Variants in CSF1R observed in about 807,000 individuals in gnomAD.
CSF1R encodes the protein colony stimulating factor 1 receptor, also known as macrophage colony-stimulating factor 1 receptor.
In CSF1R, 40 loss-of-function variants were observed where a neutral mutation model predicts 110.0. The observed-to-expected ratio is 0.36, with a 90% CI of 0.28 to 0.47. The LOEUF is 0.47. Among genes scored for constraint, CSF1R ranks in the 20% least tolerant of loss-of-function variants. The pLI is 0.99. For synonymous variants in CSF1R, 523 were observed against 503.4 expected, an observed-to-expected ratio of 1.04 and a Z score of -0.52; for missense variants, 1,052 against 1,253.0, an observed-to-expected ratio of 0.84 and a Z score of 2.42.
intron 9 of CSF1R, among the ~76,000 whole-genome samples, 167 bp downstream of exon 9, chr5:150,069,706 A>G (rs982369330): frequency 6.6e-6 from 1 of 151,738 alleles, no homozygotes; most frequent in African/African-American, 2.4e-5. Context: ...GCCAGGCAGG[A>G]GGGGCTTGGA....
intron 1 of CSF1R, among the ~76,000 whole-genome samples, chr5:150,095,763 G>GAAAAAAAAAAAAAAAAAAAAAAAAA: frequency 8.2e-6 from 1 of 121,842 alleles, no homozygotes; most frequent in Non-Finnish European, 1.8e-5. Flanking sequence ...CATTTACCGA[G>GAAAAAAAAAAAAAAAAAAAAAAAAA]AAAAAAAAAA....
chr5:150,058,825 G>T (rs1288885888), intron 14 of CSF1R, among the ~76,000 whole-genome samples: 2 of 151,998 alleles, frequency 1.3e-5, no homozygotes, highest in Admixed American at 1.3e-4. Flanking sequence ...GACCCCACAA[G>T]CCCCTGAGAC....
At chr5:150,061,676 A>G (rs767758593) in intron 11 of CSF1R, 47 bp downstream of exon 11, 6 of 1,613,980 alleles carry the variant, frequency 3.7e-6, no homozygotes, top group Non-Finnish European at 5.1e-6. Context: ...TGCAACCCCC[A>G]CAGGCCCTGT....
intron 1 of CSF1R, among the ~76,000 whole-genome samples, chr5:150,101,974 T>A (rs1379340881): frequency 1.3e-5 from 2 of 152,316 alleles, no homozygotes; most frequent in South Asian, 2.1e-4. Flanking sequence ...ACCATATTTT[T>A]AAAATTGCTT....
chr5:150,073,466 T>C lies in CSF1R; in HGVS notation c.917A>G (p.Glu306Gly), dbSNP rs2113815581. ...GGTCACCTCCTGGATGAGGTTCTGC[T>C]CAGAGCTCAAGTTCAAGTAGGCACT... is the stretch of plus-strand genomic sequence containing the variant. The part of the protein sequence containing the change: ...VESAYLNLSS[E>G]QNLIQEVTVG... Residue 306 changes from glutamate to glycine, a missense_variant, in exon 6 of 21, where the codon GAG (glutamate) becomes GGG (glycine). Physicochemically the swap from Glu to Gly is moderately conservative, Grantham distance 98 (BLOSUM62 -2). Around this residue, in one of 5 missense-constraint regions of CSF1R, gnomAD observed 693 missense variants for 735.4 expected, o/e 0.94. Transcript: ENST00000675795. 6.2e-7 allele frequency: 1 copy of C among 1,613,992 alleles called. No individual in the cohort carries two copies. The highest frequency in any genetic ancestry group is 8.5e-7 in the Non-Finnish European group (1 of 1,179,938).
chr5:150,105,873 G>T lies in CSF1R; in HGVS notation c.-181+7388C>A, dbSNP rs72832166. On this transcript the variant is annotated intron_variant, in intron 1 of 21. Coordinates refer to the CSF1R transcript ENST00000286301. ...GTTTATGTGCCAGGCACCACAGCAG[G>T]CTCTTTCCATATTTATCTAATTTAG... is the stretch of plus-strand genomic sequence containing the variant. 9.7e-3 allele frequency among the ~76,000 whole-genome samples: 1,477 copies of T among 152,284 alleles called. 5 individuals are homozygous for T. The highest frequency in any genetic ancestry group is 0.016 in the Non-Finnish European group (1,101 of 68,024).
chr5:150,055,902 C>G (rs1730070533), intron 18 of CSF1R, 124 bp downstream of exon 18: 1 of 831,698 alleles, frequency 1.2e-6, no homozygotes. Context: ...TTCGAGAGCC[C>G]TTGCCCATTC....
chr5:150,086,066 C>T (rs951058275), intron 1 of CSF1R, among the ~76,000 whole-genome samples: 2 of 152,210 alleles, frequency 1.3e-5, no homozygotes, highest in African/African-American at 4.8e-5. Context: ...CACTGTCCCC[C>T]TGCCCCCAAC....
intron 1 of CSF1R, among the ~76,000 whole-genome samples, chr5:150,109,069 A>ACCG (rs1168947790): frequency 3.0e-5 from 3 of 99,420 alleles, no homozygotes; most frequent in Non-Finnish European, 6.1e-5. Flanking sequence ...CCCCCCCCCC[A>ACCG]CCACCCAAGA....
At position 150,080,839 on chromosome 5, in the gene CSF1R, T is replaced by A. The variant is rs1014062385; in HGVS notation, c.235A>T (p.Thr79Ser). Reference protein sequence around the residue: ...LSTNNATFQNTGTYRCTEPGD... With the variant: ...LSTNNATFQNSGTYRCTEPGD... ...GGCTCAGTGCAGCGATAGGTCCCCG[T>A]GTTTTGGAAGGTAGCGTTGTTGGTG... Residue 79 changes from threonine (T) to serine (S), a missense_variant, in exon 2 of 21, where the codon ACG becomes TCG. Physicochemically the swap from Thr to Ser is moderately conservative, Grantham distance 58. Transcript: ENST00000675795. 1.9e-6 allele frequency: 3 copies of A among 1,614,006 alleles called. No individual in the cohort carries two copies. Among genetic ancestry groups the A allele is most frequent in the Non-Finnish European group, 2.5e-6 (3 of 1,179,972 alleles).
At chr5:150,081,568 A>G (rs1758545463) in intron 1 of CSF1R, among the ~76,000 whole-genome samples, 1 of 152,186 alleles carries the variant, frequency 6.6e-6, no homozygotes, top group Admixed American at 6.5e-5. Flanking sequence ...GGTCTGCAGC[A>G]CAGTGGGATG....
chr5:150,112,020 C>G (rs1006086571), intron 1 of CSF1R, among the ~76,000 whole-genome samples: 5 of 152,188 alleles, frequency 3.3e-5, no homozygotes, highest in Non-Finnish European at 7.4e-5. Flanking sequence ...AAGCAGCCCC[C>G]TTAAAGTGTA....
rs1247011387 is a variant in CSF1R at position 150,053,555 on chromosome 5, C to CT, written c.*513dup. Reference sequence around the variant, plus strand: ...GTGAAGGCGGCGTATAGGGCAGAGACTAAGAGGTCCTGTGAGATTCTTAGA... The same window carrying CT: ...GTGAAGGCGGCGTATAGGGCAGAGACTTAAGAGGTCCTGTGAGATTCTTAGA... On this transcript the variant is annotated 3_prime_UTR_variant, in exon 21 of 21. Transcript: ENST00000675795. The CT allele has an allele frequency of 4.1e-6, 1 of 243,878 alleles. No individual in the cohort carries two copies. The highest frequency in any genetic ancestry group is 8.0e-6 in the Non-Finnish European group (1 of 124,768). The allele number at this position is 243,878 out of a possible 1,614,324, so 15.1% of individuals were successfully genotyped here.
In CSF1R at chr5:150,073,573, T is replaced by C. The variant is rs1758124225; in HGVS notation, c.890-80A>G. ...TTTGTCCATTTTGTCATCCACCCAT[T>C]GATCCAGTCCCTGAGCAGCTATGTC... On this transcript the variant is annotated intron_variant, in intron 5 of 20. Transcript: ENST00000675795. 5.5e-6 allele frequency: 8 copies of C among 1,452,100 alleles called. No individual in the cohort carries two copies. In the Admixed American group the frequency reaches 1.4e-4, roughly 26 times the overall value. The allele number at this position is 1,452,100 out of a possible 1,614,324, so 90.0% of individuals were successfully genotyped here.
In CSF1R at chr5:150,077,285, G is replaced by T. The variant is rs371848144; in HGVS notation, c.880C>A (p.Arg294=). The T allele has an allele frequency of 6.2e-7, 1 of 1,614,170 alleles. No individual in the cohort carries two copies. Among genetic ancestry groups the T allele is most frequent in the South Asian group, 1.1e-5 (1 of 91,068 alleles). The change falls in exon 5 of 21, where the codon CGG becomes AGG. Residue 294 remains arginine, a synonymous_variant. Transcript: ENST00000675795. ...QGKHSTSMFF[R]VVESAYLNLS... ...CCACCCTGATGCTTACCTACCACCC[G>T]GAAGAACATGGAGGTGGAGTGCTTG...
chr5:150,072,480 C>T (rs1056621894), intron 6 of CSF1R, among the ~76,000 whole-genome samples: 4 of 152,028 alleles, frequency 2.6e-5, no homozygotes, highest in African/African-American at 9.7e-5. Context: ...AAGAGCAAAA[C>T]TCCATCTAAA....
rs1757026389 is a variant in CSF1R, at chr5:150,053,581, GGA to G, written c.*486_*487del. On this transcript the variant is annotated 3_prime_UTR_variant, in exon 21 of 21. Transcript: ENST00000675795. ...TAAGAGGTCCTGTGAGATTCTTAGA[GGA>G]GCCATCCTGCTCCAAGGGGCCTGAG... 4.0e-6 allele frequency: 1 copy of G among 249,624 alleles called. No individual in the cohort carries two copies. The highest frequency in any genetic ancestry group is 5.1e-5 in the Admixed American group (1 of 19,694). 15.5% of individuals were successfully genotyped at this position (249,624 alleles called of 1,614,324 possible). A position where few individuals can be genotyped will look rare whatever the true frequency, so the allele number is the denominator to read the frequency against.
rs540733980 is a variant in CSF1R, at chr5:150,060,883, G to A, written c.1948C>T (p.Leu650=). ...TTACCTCCATGGGTACAGGCTCCCA[G>A]AAGGTTGACGATGTTCTCGTGCTGG... ...LGQHENIVNL[L]GACTHGGPVL... Residue 650 remains leucine (L), a synonymous_variant, in exon 13 of 21, where the codon CTG becomes TTG. Coordinates refer to ENST00000675795, the MANE Select transcript of CSF1R (RefSeq NM_001288705.3). 16 of 1,610,306 alleles carry A rather than the reference G, an allele frequency of 9.9e-6. No individual in the cohort carries two copies. The East Asian group carries it at 3.3e-4, about 34-fold the overall frequency.
At chr5:150,079,539 C>T (rs933183) in intron 3 of CSF1R, among the ~76,000 whole-genome samples, 5,604 of 152,274 alleles carry the variant, frequency 0.037, 329 homozygotes, top group African/African-American at 0.12. Flanking sequence ...CCTACACATG[C>T]CCAGCACTTG....
Sources: gnomAD v4.1 joint callset for allele counts (sites outside exome capture counted in the v4.1 genomes callset) on GRCh38, gnomAD v4.1.1 for gene constraint, gnomAD v4.1.1 regional missense constraint, MANE v1.5 for transcripts, NCBI Gene and HGNC (gene_info 2026-07-23, HGNC 2026-07-21) for gene names.